Variants in TAS2R1 observed in about 807,000 individuals in gnomAD.
The protein encoded by TAS2R1 is taste 2 receptor member 1, also known as taste receptor type 2 member 1.
For missense variants in TAS2R1, 370 were observed against 353.4 expected (o/e 1.05, Z -0.38); for synonymous variants, 141 against 134.2 (o/e 1.05, Z -0.35).
chr5:9,842,642 G>C, the TAS2R1 span, among the ~76,000 whole-genome samples: 4 of 152,076 alleles, frequency 2.6e-5, no homozygotes. Flanking sequence ...TTTTGAAGCA[G>C]CTCAATCCAC....
At chr5:9,899,269 T>C in the TAS2R1 span, among the ~76,000 whole-genome samples, 1 of 152,170 alleles carries the variant, frequency 6.6e-6, no homozygotes, top group Non-Finnish European at 1.5e-5. Flanking sequence ...CTCTCTCTTA[T>C]ACAGCCCAAG....
At chr5:9,819,940 G>C in the TAS2R1 span, among the ~76,000 whole-genome samples, 5 of 152,058 alleles carry the variant, frequency 3.3e-5, no homozygotes, top group Non-Finnish European at 5.9e-5. Flanking sequence ...TTGTTCCCAT[G>C]TAAGTATTTC....
the TAS2R1 span, among the ~76,000 whole-genome samples, chr5:9,827,303 C>G: frequency 6.6e-6 from 1 of 152,196 alleles, no homozygotes; most frequent in Non-Finnish European, 1.5e-5. Context: ...AACACGACAT[C>G]GCTGTACATC....
chr5:9,731,557 C>G, the TAS2R1 span, among the ~76,000 whole-genome samples: 2 of 152,206 alleles, frequency 1.3e-5, no homozygotes, highest in African/African-American at 2.4e-5. Context: ...CTCCCTTCTT[C>G]CACCAGGCAT....
intron 1 of TAS2R1, among the ~76,000 whole-genome samples, chr5:9,678,793 G>T (rs1740934440): frequency 6.6e-6 from 1 of 152,134 alleles, no homozygotes; most frequent in Non-Finnish European, 1.5e-5. Context: ...GGGTTTGGGG[G>T]AGGGAGAGGA....
intron 2 of TAS2R1, among the ~76,000 whole-genome samples, chr5:9,651,082 C>T (rs1740296256): frequency 6.6e-6 from 1 of 152,150 alleles, no homozygotes; most frequent in Admixed American, 6.5e-5. Context: ...CTGCTTCTGA[C>T]AGACTCAGAG....
rs570749393 is a variant in TAS2R1 at position 9,672,177 on chromosome 5, C to T, written c.-241-12596G>A. ...CAAGAGTTAAATATAAAACCTAAAACTGTAAAAACCCTTGAAGATAACCTA... is the reference window on the plus strand; with the variant it reads ...CAAGAGTTAAATATAAAACCTAAAATTGTAAAAACCCTTGAAGATAACCTA... On this transcript the variant is annotated intron_variant, in intron 1 of 2. Coordinates refer to the TAS2R1 transcript ENST00000506620. Among the ~76,000 whole-genome samples, 4 of 152,240 alleles carry T rather than the reference C, an allele frequency of 2.6e-5. No homozygotes were observed. In the East Asian group the frequency reaches 7.7e-4, roughly 29 times the overall value.
the TAS2R1 span, among the ~76,000 whole-genome samples, chr5:9,807,913 A>T: frequency 7.5e-6 from 1 of 132,552 alleles, no homozygotes; most frequent in Non-Finnish European, 1.6e-5. Flanking sequence ...ATAAAATTTT[A>T]AAATGAAGTT....
chr5:9,696,534 C>T (rs138552012), intron 1 of TAS2R1, among the ~76,000 whole-genome samples: 2,099 of 151,596 alleles, frequency 0.014, 53 homozygotes, highest in African/African-American at 0.048. Context: ...TGCACTCTAG[C>T]CTGGGTGACA....
At chr5:9,629,640 CAGGATCATCCATGGGA>C, downstream of TAS2R1, 15 of 1,614,138 alleles carry the variant, frequency 9.3e-6, no homozygotes, top group Non-Finnish European at 1.3e-5. Context: ...GCAGAGACCC[CAGGATCATCCATGGGA>C]CCAGCTTGGA....
chr5:9,794,848 C>T, the TAS2R1 span, among the ~76,000 whole-genome samples: 1 of 152,122 alleles, frequency 6.6e-6, no homozygotes, highest in East Asian at 1.9e-4. Context: ...GAGATACAGC[C>T]TTTCTTGGTA....
the TAS2R1 span, among the ~76,000 whole-genome samples, chr5:9,759,205 A>C: frequency 6.6e-6 from 1 of 152,220 alleles, no homozygotes; most frequent in Non-Finnish European, 1.5e-5. Flanking sequence ...AGTTGGCTAA[A>C]TTGGTTGAAT....
At chr5:9,901,859 A>T in the TAS2R1 span, among the ~76,000 whole-genome samples, 1 of 151,992 alleles carries the variant, frequency 6.6e-6, no homozygotes, top group Admixed American at 6.6e-5. Flanking sequence ...TCCTTCACTT[A>T]CTCCACCCAT....
chr5:9,859,105 T>C, the TAS2R1 span, among the ~76,000 whole-genome samples: 1 of 152,218 alleles, frequency 6.6e-6, no homozygotes, highest in Non-Finnish European at 1.5e-5. Flanking sequence ...CAAGAACTTT[T>C]TTCATTAAAA....
intron 2 of TAS2R1, among the ~76,000 whole-genome samples, chr5:9,638,603 G>T (rs1740012481): frequency 6.6e-6 from 1 of 152,210 alleles, no homozygotes; most frequent in African/African-American, 2.4e-5. Flanking sequence ...TGCAGTAGTA[G>T]CAGGGGGCTG....
At chr5:9,881,800 GC>G in the TAS2R1 span, among the ~76,000 whole-genome samples, 1 of 152,176 alleles carries the variant, frequency 6.6e-6, no homozygotes, top group Admixed American at 6.5e-5. Context: ...GAACTGGCTA[GC>G]CATATGCAGA....
the TAS2R1 span, among the ~76,000 whole-genome samples, chr5:9,894,018 G>C: frequency 9.8e-4 from 149 of 152,322 alleles, 1 homozygote; most frequent in Middle Eastern, 6.8e-3. Context: ...GAATGTAACT[G>C]TGTTTGGACA....
intron 2 of TAS2R1, among the ~76,000 whole-genome samples, chr5:9,653,548 A>G (rs1579769307): frequency 6.6e-6 from 1 of 152,292 alleles, no homozygotes; most frequent in East Asian, 1.9e-4. Flanking sequence ...GGATTGCTGG[A>G]TTATGTGGTA....
At chr5:9,669,031 A>G (rs1164681292) in intron 1 of TAS2R1, among the ~76,000 whole-genome samples, 1 of 152,176 alleles carries the variant, frequency 6.6e-6, no homozygotes, top group Non-Finnish European at 1.5e-5. Flanking sequence ...CTAACATATA[A>G]TGACACTCAT....
Sources: allele counts gnomAD v4.1 joint callset (sites outside exome capture counted in the v4.1 genomes callset), GRCh38; gene constraint gnomAD v4.1.1; transcripts MANE v1.5; gene names NCBI Gene and HGNC (gene_info 2026-07-23, HGNC 2026-07-21).